C12orf54: variants seen among roughly 807,000 people sequenced by gnomAD.
C12orf54 encodes the protein chromosome 12 open reading frame 54.
C12orf54 carries 24 observed loss-of-function variants against 26.4 expected under a neutral mutation model. The ratio of observed to expected loss-of-function variants is 0.91; its 90% CI spans 0.66 to 1.28. The LOEUF (loss-of-function observed/expected upper bound fraction) is 1.28. Ranked by LOEUF, C12orf54 falls within the 50% of genes most tolerant of loss-of-function variation. The probability of loss-of-function intolerance (pLI) is 0.00; values close to 1 mark genes in which losing one functional copy is unlikely to be tolerated. For synonymous variants in C12orf54, 54 were observed against 47.0 expected (o/e 1.15, Z -0.61); for missense variants, 154 against 150.9 (o/e 1.02, Z -0.11).
the C12orf54 span, among the ~76,000 whole-genome samples, chr12:48,431,542 A>G: frequency 6.6e-6 from 1 of 152,184 alleles, no homozygotes; most frequent in Non-Finnish European, 1.5e-5. Context: ...AAATTGATTC[A>G]CTAACAAAAT....
chr12:48,488,665 A>G (rs1193659710), intron 4 of C12orf54, among the ~76,000 whole-genome samples: 2 of 152,188 alleles, frequency 1.3e-5, no homozygotes, highest in African/African-American at 4.8e-5. Flanking sequence ...TATACATTCA[A>G]TGCACAGCCC....
At chr12:48,443,388 A>T in the C12orf54 span, among the ~76,000 whole-genome samples, 1 of 152,234 alleles carries the variant, frequency 6.6e-6, no homozygotes, top group African/African-American at 2.4e-5. Context: ...TTCTGACAGC[A>T]TGAGGCGAGC....
intron 1 of C12orf54, 68 bp downstream of exon 1, chr12:48,482,644 G>C (rs1387489677): frequency 6.6e-6 from 1 of 152,216 alleles, no homozygotes; most frequent in Non-Finnish European, 1.5e-5. Flanking sequence ...GTGGGAGTGG[G>C]AAAAGTGGGA....
At chr12:48,475,242 T>A in the C12orf54 span, among the ~76,000 whole-genome samples, 1 of 151,822 alleles carries the variant, frequency 6.6e-6, no homozygotes, top group South Asian at 2.1e-4. Context: ...CAAAAACCCA[T>A]CTGTATGTCA....
At chr12:48,449,914 G>A in the C12orf54 span, among the ~76,000 whole-genome samples, 1 of 152,050 alleles carries the variant, frequency 6.6e-6, no homozygotes. Flanking sequence ...AGTCATGGGG[G>A]CCAGTCTCAT....
At chr12:48,424,738 C>T in the C12orf54 span, among the ~76,000 whole-genome samples, 3 of 152,100 alleles carry the variant, frequency 2.0e-5, no homozygotes, top group Non-Finnish European at 4.4e-5. Flanking sequence ...TATGTCTTCA[C>T]AAAGACTTCT....
At chr12:48,488,378 G>T in intron 4 of C12orf54, 1 of 491,186 alleles carries the variant, frequency 2.0e-6, no homozygotes, top group South Asian at 1.7e-5. Context: ...CTGGGGCTGG[G>T]TCAGCAACTG....
the C12orf54 span, among the ~76,000 whole-genome samples, chr12:48,415,058 C>T: frequency 2.0e-5 from 3 of 152,164 alleles, no homozygotes; most frequent in Non-Finnish European, 2.9e-5. Context: ...TCTATCCAGC[C>T]TCCGTTTGAA....
chr12:48,480,277 C>T (rs905222223), upstream of C12orf54, among the ~76,000 whole-genome samples: 3 of 152,180 alleles, frequency 2.0e-5, no homozygotes, highest in African/African-American at 7.2e-5. Context: ...AGTGTCTGTT[C>T]ATGTCCTTTG....
At chr12:48,443,967 C>G in the C12orf54 span, among the ~76,000 whole-genome samples, 2 of 152,304 alleles carry the variant, frequency 1.3e-5, no homozygotes, top group African/African-American at 4.8e-5. Flanking sequence ...GTCCATACTA[C>G]CTGCATTTCT....
the C12orf54 span, among the ~76,000 whole-genome samples, chr12:48,456,231 C>T: frequency 2.0e-5 from 3 of 152,166 alleles, no homozygotes; most frequent in Non-Finnish European, 2.9e-5. Context: ...GAGAGAGTCT[C>T]TGCCTTTAAG....
chr12:48,470,160 A>G, the C12orf54 span, among the ~76,000 whole-genome samples: 1 of 152,294 alleles, frequency 6.6e-6, no homozygotes, highest in Middle Eastern at 3.4e-3. Flanking sequence ...GAACATATGC[A>G]TGCATGTTTC....
the C12orf54 span, among the ~76,000 whole-genome samples, chr12:48,476,978 T>C: frequency 3.5e-4 from 54 of 152,256 alleles, no homozygotes; most frequent in Middle Eastern, 3.4e-3. Context: ...TATTCCAAAA[T>C]TGACCACATA....
chr12:48,466,408 G>A, the C12orf54 span, among the ~76,000 whole-genome samples: 3,261 of 152,146 alleles, frequency 0.021, 115 homozygotes, highest in African/African-American at 0.074. Flanking sequence ...CCCTGGGCAT[G>A]GTGACGTGCA....
At chr12:48,442,608 C>G in the C12orf54 span, 1 of 163,408 alleles carries the variant, frequency 6.1e-6, no homozygotes, top group South Asian at 1.7e-4. Context: ...GCCATCACAG[C>G]AAGCAGGGAG....
chr12:48,430,400 A>G, the C12orf54 span, among the ~76,000 whole-genome samples: 2 of 152,212 alleles, frequency 1.3e-5, no homozygotes, highest in African/African-American at 2.4e-5. Flanking sequence ...TTCATAATCT[A>G]TACATCTGAC....
the C12orf54 span, among the ~76,000 whole-genome samples, chr12:48,443,648 T>C: frequency 4.5e-4 from 68 of 152,308 alleles, 1 homozygote; most frequent in South Asian, 0.013. Flanking sequence ...GTTTAATCTA[T>C]ATGTGATCTA....
At chr12:48,478,100 A>G (rs964044917), upstream of C12orf54, among the ~76,000 whole-genome samples, 8 of 152,224 alleles carry the variant, frequency 5.3e-5, no homozygotes, top group African/African-American at 9.6e-5. Context: ...AACATACACA[A>G]ATCAATAAAT....
chr12:48,419,804 C>T, the C12orf54 span, among the ~76,000 whole-genome samples: 1 of 152,092 alleles, frequency 6.6e-6, no homozygotes, highest in East Asian at 1.9e-4. Flanking sequence ...AACAAATGCC[C>T]CAGTAAACCT....
Sources: gnomAD v4.1 joint callset for allele counts (sites outside exome capture counted in the v4.1 genomes callset) on GRCh38, gnomAD v4.1.1 for gene constraint, MANE v1.5 for transcripts, NCBI Gene and HGNC (gene_info 2026-07-23, HGNC 2026-07-21) for gene names.